Variants in TRAM2 observed in about 807,000 individuals in gnomAD.
TRAM2 encodes translocating chain-associated membrane protein 2.
TRAM2 carries 12 observed loss-of-function variants against 51.0 expected under a neutral mutation model. That is an observed-to-expected ratio of 0.24 (90% CI 0.15 to 0.38). TRAM2 has a LOEUF of 0.38. TRAM2 is among the 10% of genes least tolerant of loss of function. The pLI is 1.00. For synonymous variants in TRAM2, 175 were observed against 179.4 expected (o/e 0.98, Z 0.20); for missense variants, 361 against 462.0 (o/e 0.78, Z 2.00).
chr6:52,548,274 C>T (rs930371749), intron 1 of TRAM2, among the ~76,000 whole-genome samples: 6 of 152,264 alleles, frequency 3.9e-5, no homozygotes, highest in Non-Finnish European at 8.8e-5. Flanking sequence ...ATCACGAAGA[C>T]GATAAAACCA....
rs1421270282 is a variant in TRAM2, at chr6:52,500,817, G to A, written c.*2380C>T. 1 of 152,280 alleles carries A rather than the reference G, an allele frequency of 6.6e-6. No homozygotes were observed. The highest frequency in any genetic ancestry group is 2.4e-5 in the African/African-American group (1 of 41,454). 9.4% of individuals were successfully genotyped at this position (152,280 alleles called of 1,614,324 possible). A position where few individuals can be genotyped will look rare whatever the true frequency, so the allele number is the denominator to read the frequency against. Reference sequence around the variant, plus strand: ...CCTCTCCAGCAACTGGCACAACGCAGGCACCTGGCACATCCCAGCATGCCA... The same window carrying A: ...CCTCTCCAGCAACTGGCACAACGCAAGCACCTGGCACATCCCAGCATGCCA... On this transcript the variant is annotated 3_prime_UTR_variant, in exon 11 of 11. Transcript: ENST00000182527.
chr6:52,569,012 GTCT>G (rs1767633371), intron 1 of TRAM2, among the ~76,000 whole-genome samples: 1 of 152,170 alleles, frequency 6.6e-6, no homozygotes, highest in Non-Finnish European at 1.5e-5. Context: ...GATGTTTAAA[GTCT>G]TAAGAAACCA....
At chr6:52,572,783 C>CCAT (rs1218088403) in intron 1 of TRAM2, among the ~76,000 whole-genome samples, 6 of 152,150 alleles carry the variant, frequency 3.9e-5, no homozygotes, top group Non-Finnish European at 7.3e-5. Context: ...GCCATGGAAG[C>CCAT]CATGTACTAG....
chr6:52,574,919 T>C (rs1013855546), intron 1 of TRAM2, among the ~76,000 whole-genome samples: 1 of 152,168 alleles, frequency 6.6e-6, no homozygotes, highest in African/African-American at 2.4e-5. Context: ...CCACAGGCTA[T>C]GCGAGAAACT....
intron 1 of TRAM2, among the ~76,000 whole-genome samples, chr6:52,561,891 A>T (rs1383676920): frequency 6.6e-6 from 1 of 152,202 alleles, no homozygotes; most frequent in Non-Finnish European, 1.5e-5. Flanking sequence ...TACAGGCGTG[A>T]GCCACCAGGC....
intron 2 of TRAM2, chr6:52,517,441 G>C (rs934604475): frequency 1.3e-5 from 2 of 152,222 alleles, no homozygotes; most frequent in African/African-American, 4.8e-5. Flanking sequence ...GAGATAATTT[G>C]CTTACAACAG....
In TRAM2 at chr6:52,528,338, T is replaced by G. The variant is rs375072740; in HGVS notation, c.184+7445A>C. The stretch of plus-strand genomic sequence containing the variant: ...GGTAGCTTTCATCCGTAATCAAGTA[T>G]GGCTTCCATCTCCAGAGCCACCGCT... On this transcript the variant is annotated intron_variant, in intron 2 of 10. Transcript: ENST00000182527. Among the ~76,000 whole-genome samples, 4 of 152,262 alleles carry G rather than the reference T, an allele frequency of 2.6e-5. No individual in the cohort carries two copies. In the East Asian group the frequency reaches 5.8e-4, roughly 22 times the overall value.
rs755511063 is a variant in TRAM2 at position 52,501,856 on chromosome 6, G to A, written c.*1341C>T. On this transcript the variant is annotated 3_prime_UTR_variant, in exon 11 of 11. Coordinates refer to ENST00000182527, the MANE Select transcript of TRAM2 (RefSeq NM_012288.4). ...ACTGCGTCCGGCCGTAATTAGGACC[G>A]GCTTTTTAAAGCTGAACGCCCCTTC... 2.0e-5 allele frequency: 3 copies of A among 152,104 alleles called. No individual in the cohort carries two copies. Among genetic ancestry groups the A allele is most frequent in the Non-Finnish European group, 2.9e-5 (2 of 68,026 alleles). The allele number at this position is 152,104 out of a possible 1,614,324, so 9.4% of individuals were successfully genotyped here.
At chr6:52,515,156 G>A (rs1183214961) in intron 4 of TRAM2, among the ~76,000 whole-genome samples, 4 of 152,136 alleles carry the variant, frequency 2.6e-5, no homozygotes, top group Admixed American at 6.5e-5. Context: ...GTGGAAGGCC[G>A]GGAAGGAAAT....
At chr6:52,506,538 A>C (rs2076633) in intron 7 of TRAM2, among the ~76,000 whole-genome samples, 21,254 of 152,190 alleles carry the variant, frequency 0.14, 1,866 homozygotes, top group East Asian at 0.45. Context: ...CCATTATCCA[A>C]GTCTTCACAG....
intron 4 of TRAM2, chr6:52,515,747 CATA>C (rs1382814375): frequency 2.3e-6 from 1 of 432,486 alleles, no homozygotes; most frequent in African/African-American, 2.0e-5. Flanking sequence ...TGCAGTATTG[CATA>C]ATGATTATAA....
At chr6:52,526,042 T>C (rs1275751208) in intron 2 of TRAM2, among the ~76,000 whole-genome samples, 1 of 152,028 alleles carries the variant, frequency 6.6e-6, no homozygotes, top group East Asian at 1.9e-4. Context: ...TGCCACCATC[T>C]TGATTTCAGA....
chr6:52,516,533 A>T, intron 3 of TRAM2, 95 bp downstream of exon 3: 1 of 1,006,656 alleles, frequency 9.9e-7, no homozygotes, highest in Non-Finnish European at 1.6e-6. Context: ...TTGGAGGATG[A>T]ATGGGTGCAG....
chr6:52,550,974 C>T (rs968957628), intron 1 of TRAM2, among the ~76,000 whole-genome samples: 1 of 152,224 alleles, frequency 6.6e-6, no homozygotes, highest in Non-Finnish European at 1.5e-5. Flanking sequence ...TATGGGCCAT[C>T]TAATTTCCAA....
At position 52,516,045 on chromosome 6, in the gene TRAM2, A is replaced by G. The variant is rs142833488; in HGVS notation, c.372T>C (p.His124=). The G allele has an allele frequency of 3.7e-5, 60 of 1,614,088 alleles. 1 individual carries two copies. In the African/African-American group the frequency reaches 6.5e-4, roughly 18 times the overall value. ...FNESGQLVVF[H]FTSVIWCFYV... is the part of the protein sequence containing the mutation. ...AGAAGCACCAAATCACCGAGGTGAA[A>G]TGAAAGACGACCAGCTGTCCAGATT... The change falls in exon 4 of 11, where the codon CAT becomes CAC. Residue 124 remains histidine, a synonymous_variant. Coordinates refer to ENST00000182527, the MANE Select transcript of TRAM2 (RefSeq NM_012288.4).
At chr6:52,533,259 T>C (rs902504836) in intron 2 of TRAM2, among the ~76,000 whole-genome samples, 5 of 152,354 alleles carry the variant, frequency 3.3e-5, no homozygotes, top group African/African-American at 9.6e-5. Context: ...TTTTATGTTA[T>C]ATAGATTTTA....
chr6:52,576,278 T>G (rs573003032), intron 1 of TRAM2, among the ~76,000 whole-genome samples: 1 of 152,308 alleles, frequency 6.6e-6, no homozygotes, highest in South Asian at 2.1e-4. Context: ...CACGTGAACA[T>G]CCGAGCACGT....
At chr6:52,569,403 AAAAAG>A (rs1385146382) in intron 1 of TRAM2, among the ~76,000 whole-genome samples, 2 of 146,168 alleles carry the variant, frequency 1.4e-5, no homozygotes, top group South Asian at 2.2e-4. Flanking sequence ...AAAAAAAAAA[AAAAAG>A]AAAGAAATGC....
intron 1 of TRAM2, among the ~76,000 whole-genome samples, chr6:52,544,113 T>C (rs1222969097): frequency 6.6e-6 from 1 of 152,152 alleles, no homozygotes; most frequent in African/African-American, 2.4e-5. Flanking sequence ...CACACAGCGA[T>C]GGAGCAGGGT....
Sources: allele counts gnomAD v4.1 joint callset (sites outside exome capture counted in the v4.1 genomes callset), GRCh38; gene constraint gnomAD v4.1.1; transcripts MANE v1.5; gene names NCBI Gene and HGNC (gene_info 2026-07-23, HGNC 2026-07-21).